The following EVA1C variants were observed in gnomAD, a reference collection of about 807,000 sequenced individuals.
EVA1C encodes eva-1 homolog C.
EVA1C carries 25 observed loss-of-function variants against 45.4 expected under a neutral mutation model. That is an observed-to-expected ratio of 0.55 (90% CI 0.40 to 0.77). The LOEUF (loss-of-function observed/expected upper bound fraction) is 0.77, where lower values mean the gene tolerates loss of function less well. Among genes scored for constraint, EVA1C ranks in the 30% least tolerant of loss-of-function variants. The pLI, the probability that EVA1C is intolerant of heterozygous loss-of-function variation, is 0.00. For missense variants in EVA1C, 479 were observed against 554.8 expected, an observed-to-expected ratio of 0.86 and a Z score of 1.37; for synonymous variants, 190 against 221.2, an observed-to-expected ratio of 0.86 and a Z score of 1.25.
At chr21:32,442,201 A>C (rs1326411749) in intron 1 of EVA1C, among the ~76,000 whole-genome samples, 1 of 152,144 alleles carries the variant, frequency 6.6e-6, no homozygotes, top group Non-Finnish European at 1.5e-5. Flanking sequence ...CAGGACTAGG[A>C]TCTGAGCTCA....
At position 32,440,655 on chromosome 21, in the gene EVA1C, G is replaced by A. The variant is rs189836984; in HGVS notation, c.161-12657G>A. 1.6e-3 allele frequency among the ~76,000 whole-genome samples: 250 copies of A among 152,222 alleles called. 1 individual carries two copies. Among genetic ancestry groups the A allele is most frequent in the African/African-American group, 5.7e-3 (235 of 41,540 alleles). ...TGGTTGATGATCTCTCTCTCTTTCC[G>A]TAGATGTGTGTGTAGCATATCACAC... On this transcript the variant is annotated intron_variant, in intron 1 of 7. Coordinates refer to ENST00000300255, the MANE Select transcript of EVA1C (RefSeq NM_058187.5).
chr21:32,496,496 G>C (rs1213418149), intron 5 of EVA1C, among the ~76,000 whole-genome samples: 1 of 152,186 alleles, frequency 6.6e-6, no homozygotes, highest in Non-Finnish European at 1.5e-5. Flanking sequence ...TCACAGGAGG[G>C]ATGGCTTTAC....
intron 1 of EVA1C, among the ~76,000 whole-genome samples, chr21:32,420,157 G>T (rs2146109165): frequency 6.9e-6 from 1 of 145,734 alleles, no homozygotes; most frequent in Admixed American, 7.1e-5. Flanking sequence ...TACTTTTAGG[G>T]TTTTAAAAAA....
chr21:32,441,914 G>A (rs1207810348), intron 1 of EVA1C, among the ~76,000 whole-genome samples: 3 of 152,166 alleles, frequency 2.0e-5, no homozygotes, highest in African/African-American at 7.2e-5. Context: ...CTCAGAGTCT[G>A]TCCTTGTCCC....
At chr21:32,507,671 T>C (rs369001927) in intron 7 of EVA1C, among the ~76,000 whole-genome samples, 1 of 151,960 alleles carries the variant, frequency 6.6e-6, no homozygotes, top group East Asian at 1.9e-4. Context: ...TGTGCATGCA[T>C]GTGTATCTGT....
At chr21:32,501,996 CTTT>C (rs1568949579) in intron 6 of EVA1C, among the ~76,000 whole-genome samples, 25 of 25,440 alleles carry the variant, frequency 9.8e-4, no homozygotes, top group African/African-American at 2.4e-3. Context: ...TTCTTTCTTT[CTTT>C]CTTTCTTTCT....
intron 6 of EVA1C, among the ~76,000 whole-genome samples, chr21:32,501,984 TTTTCTTTC>T (rs563785580): frequency 0.19 from 23,080 of 120,180 alleles, 2,510 homozygotes; most frequent in Middle Eastern, 0.24. Flanking sequence ...TCTCTCGCTC[TTTTCTTTC>T]TTTCTTTCTT....
At chr21:32,463,206 T>C (rs2036062017) in intron 3 of EVA1C, among the ~76,000 whole-genome samples, 1 of 152,190 alleles carries the variant, frequency 6.6e-6, no homozygotes, top group African/African-American at 2.4e-5. Flanking sequence ...CCTAATAAAA[T>C]GAGGAGGCGG....
At position 32,515,182 on chromosome 21, in the gene EVA1C, T is replaced by C. The variant is rs368219020; in HGVS notation, c.1318T>C (p.Phe440Leu). The C allele has an allele frequency of 4.4e-6, 7 of 1,580,914 alleles. No individual in the cohort carries two copies. The highest frequency in any genetic ancestry group is 1.4e-5 in the African/African-American group (1 of 73,860). Residue 440 changes from phenylalanine to leucine, a missense_variant, in exon 8 of 8, where the codon TTC (phenylalanine) becomes CTC (leucine). Physicochemically the swap from Phe to Leu is conservative, Grantham distance 22 (BLOSUM62 0). Around this residue, in one of 3 missense-constraint regions of EVA1C, gnomAD observed 366 missense variants for 426.1 expected, o/e 0.86. Coordinates refer to ENST00000300255, the MANE Select transcript of EVA1C (RefSeq NM_058187.5). ...CTCGCTCCCAAGAAACATGGGCCAG[T>C]TCTACTGAAAACCACATGCATCTTG... ...DTSLPRNMGQ[F>L]Y is the part of the protein sequence containing the mutation.
intron 4 of EVA1C, among the ~76,000 whole-genome samples, chr21:32,480,291 G>C (rs1312824512): frequency 7.5e-5 from 4 of 53,472 alleles, no homozygotes; most frequent in Non-Finnish European, 1.4e-4. Flanking sequence ...ACAGAGCAAG[G>C]CCCTGTCTCT....
At chr21:32,422,841 G>A (rs945123682) in intron 1 of EVA1C, among the ~76,000 whole-genome samples, 10 of 151,990 alleles carry the variant, frequency 6.6e-5, no homozygotes, top group Admixed American at 4.6e-4. Context: ...TTGGAAGGCC[G>A]AGGCAGATCA....
intron 6 of EVA1C, among the ~76,000 whole-genome samples, chr21:32,501,843 C>A (rs1206124036): frequency 6.6e-6 from 1 of 152,128 alleles, no homozygotes; most frequent in Non-Finnish European, 1.5e-5. Flanking sequence ...CCCATTGGAA[C>A]CTGCGTAGGC....
At chr21:32,429,321 G>T (rs374888950) in intron 1 of EVA1C, among the ~76,000 whole-genome samples, 1 of 137,202 alleles carries the variant, frequency 7.3e-6, no homozygotes, top group Non-Finnish European at 1.6e-5. Flanking sequence ...GATTTCAGGC[G>T]TGAGCCACCG....
At chr21:32,450,342 G>C (rs2035533362) in intron 1 of EVA1C, among the ~76,000 whole-genome samples, 1 of 151,570 alleles carries the variant, frequency 6.6e-6, no homozygotes, top group South Asian at 2.1e-4. Context: ...TGGGACCCAG[G>C]TATCTTCCAT....
At chr21:32,429,059 C>T (rs2034597052) in intron 1 of EVA1C, among the ~76,000 whole-genome samples, 2 of 152,192 alleles carry the variant, frequency 1.3e-5, no homozygotes, top group East Asian at 1.9e-4. Context: ...CTCGCTCTGT[C>T]GCCCAGAGCG....
intron 1 of EVA1C, among the ~76,000 whole-genome samples, chr21:32,424,229 C>T (rs939331426): frequency 5.3e-5 from 8 of 152,190 alleles, no homozygotes; most frequent in Non-Finnish European, 1.0e-4. Context: ...AGATTTTTCA[C>T]TCTTTTCATG....
intron 7 of EVA1C, among the ~76,000 whole-genome samples, chr21:32,507,983 G>A (rs2037827027): frequency 6.6e-6 from 1 of 150,920 alleles, no homozygotes; most frequent in African/African-American, 2.5e-5. Flanking sequence ...GTGCCTGCAT[G>A]TGTGTGTGTG....
chr21:32,473,449 A>G (rs1312674356), intron 4 of EVA1C, among the ~76,000 whole-genome samples: 1 of 152,150 alleles, frequency 6.6e-6, no homozygotes, highest in Non-Finnish European at 1.5e-5. Context: ...AACATGCTTT[A>G]ATATCATCCA....
intron 1 of EVA1C, among the ~76,000 whole-genome samples, chr21:32,444,670 T>G (rs553804037): frequency 6.6e-6 from 1 of 152,292 alleles, no homozygotes; most frequent in African/African-American, 2.4e-5. Flanking sequence ...TGGCCATTAG[T>G]GACCAATATA....
Sources: gnomAD v4.1 joint callset for allele counts (sites outside exome capture counted in the v4.1 genomes callset) on GRCh38, gnomAD v4.1.1 for gene constraint, gnomAD v4.1.1 regional missense constraint, MANE v1.5 for transcripts, NCBI Gene and HGNC (gene_info 2026-07-23, HGNC 2026-07-21) for gene names.